Variants in SPOCK1 observed in about 807,000 individuals in gnomAD.
The protein encoded by SPOCK1 is testican-1.
Under a neutral mutation model 55.3 loss-of-function variants are expected in SPOCK1, and 23 were observed. That is an observed-to-expected ratio of 0.42 (90% confidence interval 0.30 to 0.59). SPOCK1 has a LOEUF of 0.59. SPOCK1 is among the 20% of genes least tolerant of loss of function. The pLI is 0.22. For synonymous variants in SPOCK1, 226 were observed against 221.0 expected (o/e 1.02, Z -0.20); for missense variants, 499 against 552.5 (o/e 0.90, Z 0.97).
chr5:137,119,855 T>C (rs191674035), intron 4 of SPOCK1, among the ~76,000 whole-genome samples: 1 of 152,326 alleles, frequency 6.6e-6, no homozygotes, highest in South Asian at 2.1e-4. Flanking sequence ...CCATAATAGC[T>C]CACATGTGTC....
At chr5:137,007,602 C>T (rs1218610177) in intron 6 of SPOCK1, among the ~76,000 whole-genome samples, 2 of 152,110 alleles carry the variant, frequency 1.3e-5, no homozygotes, top group African/African-American at 4.8e-5. Flanking sequence ...CCATCTCAGG[C>T]CAGTTAGAAT....
chr5:137,424,273 C>G (rs1288200080), intron 2 of SPOCK1, among the ~76,000 whole-genome samples: 1 of 152,130 alleles, frequency 6.6e-6, no homozygotes, highest in Non-Finnish European at 1.5e-5. Context: ...CCTAGCTACT[C>G]AGGAGGCTGA....
chr5:137,377,262 T>A (rs957044964), intron 2 of SPOCK1, among the ~76,000 whole-genome samples: 1 of 152,216 alleles, frequency 6.6e-6, no homozygotes, highest in African/African-American at 2.4e-5. Flanking sequence ...ACTGAGCTTA[T>A]GGGGCCTCCC....
chr5:137,335,583 T>C (rs1243499872), intron 2 of SPOCK1, among the ~76,000 whole-genome samples: 1 of 152,218 alleles, frequency 6.6e-6, no homozygotes, highest in Non-Finnish European at 1.5e-5. Context: ...CGACACTGCT[T>C]ACGGCCTCTG....
chr5:137,079,536 C>CGCCCG (rs142340469), intron 5 of SPOCK1, among the ~76,000 whole-genome samples: 1 of 113,866 alleles, frequency 8.8e-6, no homozygotes, highest in Admixed American at 9.1e-5. Flanking sequence ...ATCTGATTCC[C>CGCCCG]CCCCCCCCCG....
At chr5:137,023,031 G>A (rs1051131254) in intron 6 of SPOCK1, among the ~76,000 whole-genome samples, 1 of 152,184 alleles carries the variant, frequency 6.6e-6, no homozygotes, top group Non-Finnish European at 1.5e-5. Context: ...ACAGTGTAGT[G>A]GATACAGGCA....
chr5:137,342,377 C>G (rs1750450654), intron 2 of SPOCK1, among the ~76,000 whole-genome samples: 1 of 152,114 alleles, frequency 6.6e-6, no homozygotes, highest in Non-Finnish European at 1.5e-5. Flanking sequence ...TTGGGCATTT[C>G]TTTCAGCTCA....
At chr5:137,384,456 A>T (rs2127176373) in intron 2 of SPOCK1, among the ~76,000 whole-genome samples, 1 of 152,224 alleles carries the variant, frequency 6.6e-6, no homozygotes, top group African/African-American at 2.4e-5. Flanking sequence ...TGGGTAAGGT[A>T]ATAATTGTTT....
intron 9 of SPOCK1, 143 bp from the exon 10 acceptor site, chr5:136,979,612 A>T: frequency 9.3e-7 from 1 of 1,080,374 alleles, no homozygotes; most frequent in Non-Finnish European, 1.3e-6. Flanking sequence ...GTTGGCTATT[A>T]GTCAAAATTA....
intron 2 of SPOCK1, among the ~76,000 whole-genome samples, chr5:137,391,659 G>A (rs532254409): frequency 3.6e-4 from 54 of 151,922 alleles, no homozygotes; most frequent in South Asian, 6.3e-4. Context: ...CCTTCCACAC[G>A]TCTCTCCCCG....
At chr5:137,430,653 T>C (rs1752724693) in intron 2 of SPOCK1, among the ~76,000 whole-genome samples, 1 of 152,236 alleles carries the variant, frequency 6.6e-6, no homozygotes, top group African/African-American at 2.4e-5. Flanking sequence ...TCTTCCTTGG[T>C]TGGAGAAGAT....
intron 3 of SPOCK1, among the ~76,000 whole-genome samples, chr5:137,183,703 TC>T (rs1755014184): frequency 6.6e-6 from 1 of 152,208 alleles, no homozygotes; most frequent in Non-Finnish European, 1.5e-5. Context: ...TGAGAGAGCC[TC>T]AATCTCTCGA....
intron 2 of SPOCK1, among the ~76,000 whole-genome samples, chr5:137,445,890 T>C (rs961968414): frequency 5.3e-5 from 8 of 152,210 alleles, no homozygotes; most frequent in Non-Finnish European, 1.2e-4. Flanking sequence ...TTCAGATCCC[T>C]GGAACTAGAT....
At chr5:137,481,089 T>C (rs1031919153) in intron 2 of SPOCK1, among the ~76,000 whole-genome samples, 2 of 152,188 alleles carry the variant, frequency 1.3e-5, no homozygotes, top group African/African-American at 4.8e-5. Flanking sequence ...CTCTGAGGTT[T>C]ATTTGGGTGA....
chr5:137,462,493 G>A (rs1182449302), intron 2 of SPOCK1, among the ~76,000 whole-genome samples: 2 of 152,218 alleles, frequency 1.3e-5, no homozygotes, highest in Non-Finnish European at 2.9e-5. Flanking sequence ...CTAAGGGGCA[G>A]GTTCGTGGTC....
chr5:136,979,542 G>A, intron 9 of SPOCK1, 73 bp from the exon 10 acceptor site: 2 of 1,546,766 alleles, frequency 1.3e-6, no homozygotes, highest in African/African-American at 1.4e-5. Flanking sequence ...CGTCAACACA[G>A]GGAAGAGGGC....
chr5:137,084,783 A>G (rs1257866661), intron 5 of SPOCK1, among the ~76,000 whole-genome samples: 1 of 152,132 alleles, frequency 6.6e-6, no homozygotes, highest in African/African-American at 2.4e-5. Flanking sequence ...ATCTCCACTG[A>G]AAGTCCTCTC....
intron 1 of SPOCK1, 124 bp from the exon 2 acceptor site, chr5:137,498,682 G>T: frequency 1.3e-6 from 1 of 754,668 alleles, no homozygotes; most frequent in Non-Finnish European, 1.7e-6. Flanking sequence ...GGCAGCGCTC[G>T]CGCACCTGGG....
intron 6 of SPOCK1, among the ~76,000 whole-genome samples, chr5:137,046,237 G>A (rs1752102186): frequency 1.8e-5 from 2 of 112,860 alleles, no homozygotes; most frequent in Non-Finnish European, 3.8e-5. Flanking sequence ...ACGTTGGGCA[G>A]TATGGCCATT....
Sources: allele counts gnomAD v4.1 joint callset (sites outside exome capture counted in the v4.1 genomes callset), GRCh38; gene constraint gnomAD v4.1.1; transcripts MANE v1.5; gene names NCBI Gene and HGNC (gene_info 2026-07-23, HGNC 2026-07-21).